Variants in CYP2C18 observed in about 807,000 individuals in gnomAD.
CYP2C18 encodes the protein cytochrome P450 2C18.
In CYP2C18, 38 loss-of-function variants were observed where a neutral mutation model predicts 41.3. The observed-to-expected ratio is 0.92, with a 90% CI of 0.71 to 1.21. CYP2C18 has a LOEUF of 1.21. Among genes scored for constraint, CYP2C18 ranks in the 50% most tolerant of loss-of-function variants. CYP2C18 has a pLI of 0.00. For missense variants in CYP2C18, 635 were observed against 591.4 expected, an observed-to-expected ratio of 1.07 and a Z score of -0.77; for synonymous variants, 236 against 210.0, an observed-to-expected ratio of 1.12 and a Z score of -1.07.
At chr10:94,734,276 C>A (rs1412944983) in intron 8 of CYP2C18, among the ~76,000 whole-genome samples, 1 of 152,100 alleles carries the variant, frequency 6.6e-6, no homozygotes, top group African/African-American at 2.4e-5. Flanking sequence ...ATCTCTACAG[C>A]TAAAGTGTGT....
intron 7 of CYP2C18, among the ~76,000 whole-genome samples, chr10:94,726,106 T>C (rs1030734254): frequency 2.0e-5 from 3 of 152,024 alleles, no homozygotes; most frequent in African/African-American, 7.3e-5. Context: ...CCAGAAAGGG[T>C]TCATCCCTCC....
intron 8 of CYP2C18, chr10:94,733,672 GTTAAT>G (rs1446491267): frequency 1.1e-6 from 1 of 887,876 alleles, no homozygotes; most frequent in East Asian, 1.2e-4. Context: ...TAGAATGTAG[GTTAAT>G]TTAATTCTGC....
intron 5 of CYP2C18, among the ~76,000 whole-genome samples, chr10:94,711,753 G>A (rs12772521): frequency 0.26 from 38,851 of 151,884 alleles, 5,285 homozygotes; most frequent in South Asian, 0.45. Context: ...TGCCATGTAA[G>A]TGGTTGTTAT....
intron 3 of CYP2C18, among the ~76,000 whole-genome samples, chr10:94,689,676 T>A (rs562066530): frequency 6.6e-6 from 1 of 152,278 alleles, no homozygotes; most frequent in South Asian, 2.1e-4. Context: ...TTGACAATAT[T>A]ATTTATAATA....
chr10:94,727,757 ATG>A (rs1847768346), intron 7 of CYP2C18, among the ~76,000 whole-genome samples: 1 of 152,196 alleles, frequency 6.6e-6, no homozygotes, highest in South Asian at 2.1e-4. Flanking sequence ...GAATGAATAT[ATG>A]TGTGTGTAGG....
chr10:94,726,807 T>G (rs1448284230), intron 7 of CYP2C18, among the ~76,000 whole-genome samples: 5 of 152,152 alleles, frequency 3.3e-5, no homozygotes, highest in African/African-American at 1.2e-4. Flanking sequence ...TTTTAGTTGC[T>G]ATTCTGCAAG....
intron 3 of CYP2C18, among the ~76,000 whole-genome samples, chr10:94,693,768 C>T (rs1013857484): frequency 6.6e-6 from 1 of 152,166 alleles, no homozygotes; most frequent in African/African-American, 2.4e-5. Context: ...ATCATTACCG[C>T]ACAACATTTT....
chr10:94,703,680 G>A (rs921750937), intron 4 of CYP2C18, among the ~76,000 whole-genome samples: 2 of 152,200 alleles, frequency 1.3e-5, no homozygotes, highest in Admixed American at 1.3e-4. Context: ...CCCCATGAGG[G>A]TGGGATCCTG....
Position 94,685,563 on chromosome 10 carries a change from G to C in CYP2C18, c.168+1576G>C, listed in dbSNP as rs569779254. On this transcript the variant is annotated intron_variant, in intron 1 of 8. Coordinates refer to ENST00000285979, the MANE Select transcript of CYP2C18 (RefSeq NM_000772.3). ...TGCTTAAGGCTTTAATTCATTTTGA[G>C]TTAATTCTTGTATAAGGGTGAGATT... Among the ~76,000 whole-genome samples, 19 of 152,202 alleles carry C rather than the reference G, an allele frequency of 1.2e-4. No individual in the cohort carries two copies. The South Asian group carries it at 3.9e-3, about 32-fold the overall frequency.
Position 94,735,683 on chromosome 10 carries a change from T to A in CYP2C18, c.*239T>A. ...TATCACTTGTATTGACCACCACATA[T>A]GCTAATACCTATCTACTGCTGAGTT... On this transcript the variant is annotated 3_prime_UTR_variant, in exon 9 of 9. Transcript: ENST00000285979. 1.9e-6 allele frequency: 1 copy of A among 516,890 alleles called. No homozygotes were observed. The highest frequency in any genetic ancestry group is 3.5e-6 in the Non-Finnish European group (1 of 289,404). The allele number at this position is 516,890 out of a possible 1,614,324, so 32.0% of individuals were successfully genotyped here. A position where few individuals can be genotyped will look rare whatever the true frequency, so the allele number is the denominator to read the frequency against.
intron 8 of CYP2C18, 26 bp downstream of exon 8, chr10:94,733,464 C>G: frequency 6.2e-7 from 1 of 1,611,834 alleles, no homozygotes; most frequent in Non-Finnish European, 8.5e-7. Context: ...TTCCATCTGT[C>G]CTTCAGGGCA....
chr10:94,696,643 G>A (rs1011768514), intron 4 of CYP2C18, among the ~76,000 whole-genome samples: 3 of 152,136 alleles, frequency 2.0e-5, no homozygotes, highest in African/African-American at 7.2e-5. Context: ...TGACTTTGAC[G>A]AGTTGAGAGA....
intron 7 of CYP2C18, among the ~76,000 whole-genome samples, chr10:94,729,332 G>T (rs1331009421): frequency 6.6e-6 from 1 of 152,092 alleles, no homozygotes; most frequent in Non-Finnish European, 1.5e-5. Flanking sequence ...CCTGGCCACA[G>T]GTCTTTGAGA....
At chr10:94,732,728 G>A (rs547701904) in intron 7 of CYP2C18, among the ~76,000 whole-genome samples, 3 of 152,008 alleles carry the variant, frequency 2.0e-5, no homozygotes, top group African/African-American at 7.2e-5. Flanking sequence ...AATATTGTAC[G>A]TTCTCACAAG....
At chr10:94,720,609 A>G in intron 6 of CYP2C18, 72 bp downstream of exon 6, 1 of 1,414,768 alleles carries the variant, frequency 7.1e-7, no homozygotes, top group Non-Finnish European at 9.7e-7. Context: ...ATTGTCCTCA[A>G]TCTTGTTTCT....
At chr10:94,733,518 CT>C in intron 8 of CYP2C18, 80 bp downstream of exon 8, 1 of 1,578,332 alleles carries the variant, frequency 6.3e-7, no homozygotes, top group Non-Finnish European at 8.6e-7. Flanking sequence ...ATGATGCCAC[CT>C]CTGAGGTTTG....
intron 3 of CYP2C18, among the ~76,000 whole-genome samples, chr10:94,692,244 T>C (rs567515755): frequency 2.0e-5 from 3 of 151,826 alleles, no homozygotes; most frequent in African/African-American, 7.2e-5. Context: ...AGCAACCTAC[T>C]GAATGGGAGA....
chr10:94,715,638 A>G (rs966004818), intron 5 of CYP2C18, among the ~76,000 whole-genome samples: 2 of 152,034 alleles, frequency 1.3e-5, no homozygotes, highest in Admixed American at 1.3e-4. Context: ...TTGGTCTAAA[A>G]TTCTCTTTTT....
intron 7 of CYP2C18, among the ~76,000 whole-genome samples, chr10:94,732,266 A>C (rs1036668243): frequency 6.6e-6 from 1 of 152,166 alleles, no homozygotes; most frequent in Non-Finnish European, 1.5e-5. Context: ...CAAAACCAAA[A>C]TGGGATACCA....
Sources: allele counts gnomAD v4.1 joint callset (sites outside exome capture counted in the v4.1 genomes callset), GRCh38; gene constraint gnomAD v4.1.1; transcripts MANE v1.5; gene names NCBI Gene and HGNC (gene_info 2026-07-23, HGNC 2026-07-21).